Variants in GLT8D2 observed in about 807,000 individuals in gnomAD.
GLT8D2 encodes the protein glycosyltransferase 8 domain containing 2.
In GLT8D2, 45 loss-of-function variants were observed where a neutral mutation model predicts 44.5. That is an observed-to-expected ratio of 1.01 (90% CI 0.80 to 1.30). The LOEUF is 1.30. Among genes scored for constraint, GLT8D2 ranks in the 50% most tolerant of loss-of-function variants. The probability of loss-of-function intolerance (pLI) is 0.00; values close to 1 mark genes in which losing one functional copy is unlikely to be tolerated. For synonymous variants in GLT8D2, 156 were observed against 157.2 expected (o/e 0.99, Z 0.06); for missense variants, 400 against 430.4 (o/e 0.93, Z 0.62).
At chr12:104,045,996 T>C (rs1211989339) in intron 1 of GLT8D2, among the ~76,000 whole-genome samples, 1 of 147,952 alleles carries the variant, frequency 6.8e-6, no homozygotes, top group Non-Finnish European at 1.5e-5. Flanking sequence ...TGATTAATCA[T>C]GTCTGCCATG....
At chr12:104,036,896 T>C (rs1295717865) in intron 1 of GLT8D2, among the ~76,000 whole-genome samples, 1 of 152,168 alleles carries the variant, frequency 6.6e-6, no homozygotes. Flanking sequence ...ATTCCAAAAC[T>C]GACCACAGAG....
At chr12:104,029,183 C>T (rs186077361) in intron 1 of GLT8D2, among the ~76,000 whole-genome samples, 199 of 151,962 alleles carry the variant, frequency 1.3e-3, no homozygotes, top group South Asian at 5.2e-3. Flanking sequence ...CCAGCTACTT[C>T]GGAGGCTGAG....
chr12:104,047,020 A>G (rs980232223), intron 1 of GLT8D2, among the ~76,000 whole-genome samples: 1 of 151,950 alleles, frequency 6.6e-6, no homozygotes, highest in Admixed American at 6.6e-5. Flanking sequence ...GTAGAGACAG[A>G]GTCTTGCTAT....
chr12:104,035,475 T>A (rs1024763779), intron 1 of GLT8D2, among the ~76,000 whole-genome samples: 3 of 152,170 alleles, frequency 2.0e-5, no homozygotes, highest in Non-Finnish European at 2.9e-5. Context: ...GGACCTTAAA[T>A]GACCTGATGG....
intron 1 of GLT8D2, among the ~76,000 whole-genome samples, chr12:104,026,172 G>A (rs928904793): frequency 4.6e-5 from 7 of 151,608 alleles, no homozygotes; most frequent in African/African-American, 1.7e-4. Flanking sequence ...TCAGCTACTC[G>A]GGAGGCTGAG....
At chr12:104,045,242 G>A (rs1880957290) in intron 1 of GLT8D2, among the ~76,000 whole-genome samples, 1 of 152,202 alleles carries the variant, frequency 6.6e-6, no homozygotes, top group Non-Finnish European at 1.5e-5. Context: ...AATAAAAGCA[G>A]AGGGCTCTGG....
rs141257498 is a variant in GLT8D2 at position 104,042,364 on chromosome 12, T to C, written c.-164+7531A>G. Among the ~76,000 whole-genome samples the C allele has an allele frequency of 2.6e-5, 4 of 152,342 alleles. No individual in the cohort carries two copies. In the East Asian group the frequency reaches 7.7e-4, roughly 29 times the overall value. ...AGCTACACAGAATGGTCAGCTCTTA[T>C]GTCATCGAACTGCTGAATCAATGCC... is the stretch of plus-strand genomic sequence containing the variant. On this transcript the variant is annotated intron_variant, in intron 1 of 10. Transcript: ENST00000360814.
At chr12:104,041,344 A>T (rs1036346870) in intron 1 of GLT8D2, among the ~76,000 whole-genome samples, 16 of 152,196 alleles carry the variant, frequency 1.1e-4, no homozygotes, top group African/African-American at 3.9e-4. Context: ...AACCTGCGAG[A>T]CAGAGGTTGC....
intron 1 of GLT8D2, among the ~76,000 whole-genome samples, chr12:104,057,857 T>G (rs562492401): frequency 1.3e-5 from 2 of 152,300 alleles, no homozygotes; most frequent in South Asian, 4.1e-4. Context: ...CTGCCCCATT[T>G]TCAGCACTAG....
intron 4 of GLT8D2, among the ~76,000 whole-genome samples, chr12:104,005,934 G>A (rs868002723): frequency 2.6e-5 from 4 of 152,070 alleles, no homozygotes; most frequent in Admixed American, 6.5e-5. Flanking sequence ...ACATGCACAC[G>A]TATGTTTACT....
intron 1 of GLT8D2, chr12:104,030,766 C>G: frequency 1.2e-6 from 2 of 1,612,116 alleles, no homozygotes; most frequent in Non-Finnish European, 1.7e-6. Context: ...TGCCGCATCC[C>G]CAGCCCGCCG....
chr12:104,012,387 T>C (rs1294224208), intron 4 of GLT8D2, among the ~76,000 whole-genome samples: 2 of 152,098 alleles, frequency 1.3e-5, no homozygotes, highest in African/African-American at 2.4e-5. Context: ...TGGATAAACA[T>C]GTGATAATGG....
intron 1 of GLT8D2, among the ~76,000 whole-genome samples, chr12:104,035,772 C>T (rs1407793314): frequency 6.6e-6 from 1 of 152,130 alleles, no homozygotes; most frequent in East Asian, 1.9e-4. Context: ...AGAACTTCCC[C>T]AACCTAGCAA....
At chr12:103,997,344 C>CA in intron 7 of GLT8D2, 107 bp downstream of exon 7, 1 of 809,882 alleles carries the variant, frequency 1.2e-6, no homozygotes. Context: ...CTTAAATAAG[C>CA]AGTCAAAACT....
intron 8 of GLT8D2, among the ~76,000 whole-genome samples, chr12:103,995,710 T>C (rs978499487): frequency 2.0e-5 from 3 of 152,242 alleles, no homozygotes; most frequent in African/African-American, 4.8e-5. Context: ...TAAGTCATTG[T>C]TGAATGAATG....
chr12:104,059,343 T>C (rs1882433653), intron 1 of GLT8D2, among the ~76,000 whole-genome samples: 1 of 152,170 alleles, frequency 6.6e-6, no homozygotes, highest in Admixed American at 6.5e-5. Context: ...CCCTATGGGA[T>C]GTAATTTCCA....
intron 3 of GLT8D2, among the ~76,000 whole-genome samples, chr12:104,018,515 A>G (rs1344710892): frequency 6.6e-6 from 1 of 152,186 alleles, no homozygotes; most frequent in Non-Finnish European, 1.5e-5. Flanking sequence ...ACAAAACTAC[A>G]GAGAAGCAGA....
In GLT8D2 at chr12:103,989,172, TCTTC is replaced by T. The variant is rs1872395154; in HGVS notation, c.*232_*235del. 2 of 349,074 alleles carry T rather than the reference TCTTC, an allele frequency of 5.7e-6. No homozygotes were observed. Among genetic ancestry groups the T allele is most frequent in the Non-Finnish European group, 1.0e-5 (2 of 193,968 alleles). 21.6% of individuals were successfully genotyped at this position (349,074 alleles called of 1,614,324 possible). A position where few individuals can be genotyped will look rare whatever the true frequency, so the allele number is the denominator to read the frequency against. ...TTGATTGCTGTTATCTAGATGGGTC[TCTTC>T]CTTTATGTTTTTCAGTCACATAATC... On this transcript the variant is annotated 3_prime_UTR_variant, in exon 11 of 11. Transcript: ENST00000360814.
intron 1 of GLT8D2, among the ~76,000 whole-genome samples, chr12:104,036,228 G>A (rs1019804115): frequency 3.9e-5 from 6 of 152,152 alleles, no homozygotes; most frequent in Non-Finnish European, 5.9e-5. Context: ...AAAGACCATC[G>A]ATGCTAGGAA....
Sources: allele counts gnomAD v4.1 joint callset (sites outside exome capture counted in the v4.1 genomes callset), GRCh38; gene constraint gnomAD v4.1.1; transcripts MANE v1.5; gene names NCBI Gene and HGNC (gene_info 2026-07-23, HGNC 2026-07-21).